Variants in ADAMTSL3 observed in about 807,000 individuals in gnomAD.
The protein encoded by ADAMTSL3 is ADAMTS-like protein 3.
A neutral mutation model predicts 201.7 loss-of-function variants in ADAMTSL3; 128 were observed. The observed-to-expected ratio is 0.63, with a 90% CI of 0.55 to 0.73. The LOEUF is 0.73. Among genes scored for constraint, ADAMTSL3 ranks in the 30% least tolerant of loss-of-function variants. The pLI is 0.00. For missense variants in ADAMTSL3, 1,990 were observed against 2,119.6 expected (o/e 0.94, Z 1.20); for synonymous variants, 738 against 748.4 (o/e 0.99, Z 0.23).
chr15:83,883,541 T>C (rs1460849858), intron 9 of ADAMTSL3, among the ~76,000 whole-genome samples: 1 of 151,698 alleles, frequency 6.6e-6, no homozygotes, highest in Non-Finnish European at 1.5e-5. Flanking sequence ...TTCAATTGCA[T>C]TTTTTAGAGA....
intron 15 of ADAMTSL3, among the ~76,000 whole-genome samples, chr15:83,909,742 G>A (rs1368208502): frequency 6.6e-6 from 1 of 152,010 alleles, no homozygotes; most frequent in Non-Finnish European, 1.5e-5. Flanking sequence ...AGCCTCCCGA[G>A]TAGCTGGGAT....
Position 83,997,078 on chromosome 15 carries a change from TC to T in ADAMTSL3, c.3973+5865del, listed in dbSNP as rs1368787206. ...TAGAGAACAATTTTGTAAAATCTGATCAAGTCAAAGATGCTCAAAACCAGAC... is the reference window on the plus strand; with the variant it reads ...TAGAGAACAATTTTGTAAAATCTGATAAGTCAAAGATGCTCAAAACCAGAC... On this transcript the variant is annotated intron_variant, in intron 23 of 29. Transcript: ENST00000286744. Among the ~76,000 whole-genome samples, 8 of 152,260 alleles carry T rather than the reference TC, an allele frequency of 5.3e-5. No homozygotes were observed. The East Asian group carries it at 1.5e-3, about 29-fold the overall frequency.
chr15:83,928,356 A>G (rs2066287527), intron 17 of ADAMTSL3, among the ~76,000 whole-genome samples: 1 of 152,198 alleles, frequency 6.6e-6, no homozygotes, highest in African/African-American at 2.4e-5. Flanking sequence ...AAGAGTAAAA[A>G]GAAGAAAATA....
chr15:83,795,790 G>A lies in ADAMTSL3; in HGVS notation c.318-8860G>A, dbSNP rs116970627. ...AATATGAAAATTGATCTTGTAGCCT[G>A]TGATATCCTTAAGGTATGGCAGCAA... On this transcript the variant is annotated intron_variant, in intron 4 of 29. Transcript: ENST00000286744. 2.1e-3 allele frequency among the ~76,000 whole-genome samples: 324 copies of A among 152,272 alleles called. 7 individuals carry two copies. The East Asian group carries it at 0.055, about 26-fold the overall frequency.
At chr15:83,985,390 A>G (rs1425792744) in intron 21 of ADAMTSL3, among the ~76,000 whole-genome samples, 2 of 152,096 alleles carry the variant, frequency 1.3e-5, no homozygotes, top group African/African-American at 4.8e-5. Context: ...AAAAATATAT[A>G]TATATATATC....
At chr15:83,736,203 C>A (rs1054145211) in intron 3 of ADAMTSL3, among the ~76,000 whole-genome samples, 2 of 152,144 alleles carry the variant, frequency 1.3e-5, no homozygotes, top group Non-Finnish European at 2.9e-5. Context: ...TGGCCTTTGG[C>A]CCCTTTCCAA....
intron 3 of ADAMTSL3, among the ~76,000 whole-genome samples, chr15:83,769,026 C>T (rs1024853564): frequency 2.6e-5 from 4 of 152,092 alleles, no homozygotes; most frequent in Admixed American, 6.5e-5. Context: ...AATATCTTAC[C>T]TATCCAATCA....
chr15:83,801,183 A>G (rs1025301292), intron 4 of ADAMTSL3, among the ~76,000 whole-genome samples: 2 of 152,214 alleles, frequency 1.3e-5, no homozygotes, highest in African/African-American at 2.4e-5. Context: ...ATATTAAGAC[A>G]TGGCCAACCC....
chr15:83,942,533 C>T, intron 17 of ADAMTSL3, 63 bp from the exon 18 acceptor site: 1 of 1,503,222 alleles, frequency 6.7e-7, no homozygotes, highest in Non-Finnish European at 9.0e-7. Context: ...GTTGTTCATG[C>T]TCTGATGGTT....
chr15:83,814,791 G>A (rs1486236557), intron 5 of ADAMTSL3, among the ~76,000 whole-genome samples: 3 of 152,184 alleles, frequency 2.0e-5, no homozygotes, highest in African/African-American at 7.2e-5. Flanking sequence ...AGAGGGGATT[G>A]GGAGGGGGAT....
In ADAMTSL3 at chr15:83,913,079, T is replaced by C; in HGVS notation, c.1701-13T>C. On this transcript the variant is annotated splice_polypyrimidine_tract_variant and intron_variant, in intron 15 of 29. Coordinates refer to ENST00000286744, the MANE Select transcript of ADAMTSL3 (RefSeq NM_207517.3). ...TCAGTGTCCTTTTCTGGTGGCTTCC[T>C]GGTTTTCCCTAGGTTCATTCCAGAA... The C allele has an allele frequency of 6.2e-7, 1 of 1,610,022 alleles. No homozygotes were observed. Among genetic ancestry groups the C allele is most frequent in the Non-Finnish European group, 8.5e-7 (1 of 1,177,118 alleles).
At chr15:83,716,625 TTGTGTG>T (rs1555433507) in intron 3 of ADAMTSL3, among the ~76,000 whole-genome samples, 1 of 150,352 alleles carries the variant, frequency 6.7e-6, no homozygotes, top group Non-Finnish European at 1.5e-5. Context: ...TGTGTGTGTG[TTGTGTG>T]TGTGTGTGTT....
At chr15:83,731,608 G>A (rs557950082) in intron 3 of ADAMTSL3, among the ~76,000 whole-genome samples, 22 of 152,062 alleles carry the variant, frequency 1.4e-4, no homozygotes, top group South Asian at 1.0e-3. Flanking sequence ...CTGCACTCCC[G>A]TGTTCATTGC....
intron 25 of ADAMTSL3, among the ~76,000 whole-genome samples, chr15:84,018,520 C>T (rs570396382): frequency 7.2e-4 from 110 of 152,232 alleles, no homozygotes; most frequent in South Asian, 1.9e-3. Context: ...TGAAGACAGT[C>T]GGGATGGGCC....
intron 25 of ADAMTSL3, among the ~76,000 whole-genome samples, chr15:84,016,945 T>C (rs530478340): frequency 6.6e-6 from 1 of 152,284 alleles, no homozygotes; most frequent in East Asian, 1.9e-4. Flanking sequence ...ATTACAAGCT[T>C]ATAAAACTCT....
chr15:83,802,840 A>G (rs929188391), intron 4 of ADAMTSL3, among the ~76,000 whole-genome samples: 9 of 152,212 alleles, frequency 5.9e-5, no homozygotes, highest in Non-Finnish European at 2.9e-5. Flanking sequence ...GAATTTTAAT[A>G]TATGTCAGTT....
intron 3 of ADAMTSL3, among the ~76,000 whole-genome samples, chr15:83,716,230 C>T (rs187751349): frequency 1.6e-3 from 239 of 152,250 alleles, no homozygotes; most frequent in African/African-American, 5.4e-3. Flanking sequence ...AGGCCGGGCA[C>T]GGTAGCTCAT....
chr15:83,824,650 C>G (rs1210559165), intron 6 of ADAMTSL3, among the ~76,000 whole-genome samples: 2 of 152,138 alleles, frequency 1.3e-5, no homozygotes, highest in Non-Finnish European at 2.9e-5. Context: ...CCTCTCTCCT[C>G]GCTAACCCCT....
chr15:83,865,744 A>G (rs2064961723), intron 8 of ADAMTSL3, among the ~76,000 whole-genome samples: 1 of 152,346 alleles, frequency 6.6e-6, no homozygotes, highest in South Asian at 2.1e-4. Flanking sequence ...AATGGCAACA[A>G]AAGCCAAAAT....
Sources: gnomAD v4.1 joint callset for allele counts (sites outside exome capture counted in the v4.1 genomes callset) on GRCh38, gnomAD v4.1.1 for gene constraint, MANE v1.5 for transcripts, NCBI Gene and HGNC (gene_info 2026-07-23, HGNC 2026-07-21) for gene names.